The following C1QTNF3 variants were observed in gnomAD, a reference collection of about 807,000 sequenced individuals.
C1QTNF3 encodes complement C1q tumor necrosis factor-related protein 3.
C1QTNF3 carries 26 observed loss-of-function variants against 32.6 expected under a neutral mutation model. That is an observed-to-expected ratio of 0.80 (90% CI 0.58 to 1.11). C1QTNF3 has a LOEUF of 1.11. Ranked by LOEUF, C1QTNF3 falls within the 50% of genes least tolerant of loss-of-function variation. C1QTNF3 has a pLI of 0.00. For missense variants in C1QTNF3, 362 were observed against 398.2 expected (o/e 0.91, Z 0.77); for synonymous variants, 155 against 146.0 (o/e 1.06, Z -0.44).
rs1754542974 is a variant in C1QTNF3, at chr5:34,028,850, T to A, written c.604A>T (p.Ser202Cys). 1 of 1,612,386 alleles carries A rather than the reference T, an allele frequency of 6.2e-7. No individual in the cohort carries two copies. Among genetic ancestry groups the A allele is most frequent in the Non-Finnish European group, 8.5e-7 (1 of 1,179,032 alleles). ...AFMASLATHF[S>C]NQNSGIIFSS... ...AAGATAATCCCACTGTTCTGATTGC[T>A]GAAGTGGGTTGCCAGAGAAGCCATG... Residue 202 changes from serine to cysteine, a missense_variant, in exon 4 of 6, where the codon AGC becomes TGC. Ser to Cys is a moderately radical substitution (Grantham distance 112). Coordinates refer to ENST00000382065, the MANE Select transcript of C1QTNF3 (RefSeq NM_181435.6).
the C1QTNF3 span, among the ~76,000 whole-genome samples, chr5:34,105,265 T>C: frequency 6.6e-6 from 1 of 152,158 alleles, no homozygotes; most frequent in Non-Finnish European, 1.5e-5. Flanking sequence ...ACTCAAGCTG[T>C]AACATTCTCT....
At chr5:34,047,602 T>C (rs886990920), upstream of C1QTNF3, among the ~76,000 whole-genome samples, 1 of 152,204 alleles carries the variant, frequency 6.6e-6, no homozygotes, top group Non-Finnish European at 1.5e-5. Context: ...CACCTCTCTC[T>C]TGCCTCTTCC....
At chr5:34,077,128 T>C in the C1QTNF3 span, among the ~76,000 whole-genome samples, 2 of 151,796 alleles carry the variant, frequency 1.3e-5, no homozygotes, top group Non-Finnish European at 2.9e-5. Flanking sequence ...CCTATTACTA[T>C]TGTAACAGTG....
the C1QTNF3 span, among the ~76,000 whole-genome samples, chr5:34,177,715 T>G: frequency 6.6e-6 from 1 of 151,530 alleles, no homozygotes; most frequent in Non-Finnish European, 1.5e-5. Context: ...ACTTGAACTC[T>G]TGGCCTCGTG....
At chr5:34,178,286 G>GA in the C1QTNF3 span, among the ~76,000 whole-genome samples, 2 of 152,138 alleles carry the variant, frequency 1.3e-5, no homozygotes, top group Admixed American at 1.3e-4. Context: ...CCTCAAAGGA[G>GA]AAAGAATTCA....
chr5:34,142,545 C>T, the C1QTNF3 span, among the ~76,000 whole-genome samples: 3 of 152,244 alleles, frequency 2.0e-5, no homozygotes, highest in Middle Eastern at 6.8e-3. Flanking sequence ...CTCCCTCTCA[C>T]ACTGCAGAGC....
At chr5:34,189,077 G>T in the C1QTNF3 span, among the ~76,000 whole-genome samples, 1 of 150,326 alleles carries the variant, frequency 6.7e-6, no homozygotes, top group Non-Finnish European at 1.5e-5. Context: ...ACTAAATTTT[G>T]TATTTTTACT....
chr5:34,230,176 G>A, the C1QTNF3 span, among the ~76,000 whole-genome samples: 3 of 152,270 alleles, frequency 2.0e-5, no homozygotes, highest in South Asian at 2.1e-4. Flanking sequence ...CCCAAGACAG[G>A]GAACATGCAT....
rs1042538186 is a variant in C1QTNF3 at position 34,042,915 on chromosome 5, T to C, written c.211A>G (p.Asn71Asp). ...SHPKTGTVDNNTSTDLKSLRP... is the reference protein window; with the variant it reads ...SHPKTGTVDNDTSTDLKSLRP... ...AGGGATTTTAGGTCTGTAGAAGTGT[T>C]ATTATCCACAGTCCCAGTTTTAGGA... is the stretch of plus-strand genomic sequence containing the variant. Residue 71 changes from asparagine (N) to aspartate (D), a missense_variant, in exon 1 of 6, where the codon AAC becomes GAC. Transcript: ENST00000382065. The C allele has an allele frequency of 6.2e-7, 1 of 1,614,036 alleles. No individual in the cohort carries two copies. Among genetic ancestry groups the C allele is most frequent in the Non-Finnish European group, 8.5e-7 (1 of 1,180,030 alleles).
the C1QTNF3 span, among the ~76,000 whole-genome samples, chr5:34,114,809 A>G: frequency 4.0e-5 from 6 of 151,632 alleles, no homozygotes; most frequent in East Asian, 1.9e-4. Context: ...CTTCTAACAC[A>G]TCATTGTGCC....
At chr5:34,231,067 GA>G in the C1QTNF3 span, among the ~76,000 whole-genome samples, 97 of 152,114 alleles carry the variant, frequency 6.4e-4, 1 homozygote, top group Non-Finnish European at 1.1e-3. Context: ...CCACAAACAT[GA>G]AAAATCTTCC....
the C1QTNF3 span, among the ~76,000 whole-genome samples, chr5:34,118,271 G>A: frequency 1.3e-5 from 2 of 152,124 alleles, no homozygotes; most frequent in Non-Finnish European, 2.9e-5. Flanking sequence ...TAGAGAAAGA[G>A]TTTCTGCATG....
the C1QTNF3 span, among the ~76,000 whole-genome samples, chr5:34,116,259 T>C: frequency 1.3e-5 from 2 of 152,158 alleles, no homozygotes; most frequent in African/African-American, 2.4e-5. Context: ...AAAATTTTAT[T>C]GAGGCTTTTA....
chr5:34,029,248 A>T (rs1243200229), intron 3 of C1QTNF3, among the ~76,000 whole-genome samples: 2 of 152,056 alleles, frequency 1.3e-5, no homozygotes, highest in East Asian at 3.8e-4. Flanking sequence ...ATAGCCAAAC[A>T]TTTTAATTTT....
the C1QTNF3 span, among the ~76,000 whole-genome samples, chr5:34,210,298 T>TCAATATGG: frequency 2.0e-5 from 3 of 152,042 alleles, no homozygotes; most frequent in African/African-American, 7.2e-5. Flanking sequence ...TATTGCATAC[T>TCAATATGG]CAATATGGCA....
the C1QTNF3 span, among the ~76,000 whole-genome samples, chr5:34,220,228 A>G: frequency 6.6e-6 from 1 of 152,226 alleles, no homozygotes; most frequent in East Asian, 1.9e-4. Context: ...AATAATATAA[A>G]TTAGGGATCG....
the C1QTNF3 span, among the ~76,000 whole-genome samples, chr5:34,090,559 T>G: frequency 8.0e-4 from 122 of 152,056 alleles, no homozygotes; most frequent in African/African-American, 2.7e-3. Context: ...GTTTACAATA[T>G]TATGATTGCT....
At chr5:34,211,891 T>G in the C1QTNF3 span, among the ~76,000 whole-genome samples, 12 of 152,208 alleles carry the variant, frequency 7.9e-5, no homozygotes, top group African/African-American at 2.6e-4. Context: ...TTCACAGAAT[T>G]GGAAATAACT....
chr5:34,020,846 G>A, intron 5 of C1QTNF3, 104 bp from the exon 6 acceptor site: 1 of 1,219,988 alleles, frequency 8.2e-7, no homozygotes, highest in Non-Finnish European at 1.2e-6. Flanking sequence ...GTATAATCCT[G>A]CGGCTAAGTT....
Sources: gnomAD v4.1 joint callset for allele counts (sites outside exome capture counted in the v4.1 genomes callset) on GRCh38, gnomAD v4.1.1 for gene constraint, MANE v1.5 for transcripts, NCBI Gene and HGNC (gene_info 2026-07-23, HGNC 2026-07-21) for gene names.